Variants in IDNK observed in about 807,000 individuals in gnomAD.
The protein encoded by IDNK is gluconokinase.
IDNK carries 9 observed loss-of-function variants against 13.0 expected under a neutral mutation model. That is an observed-to-expected ratio of 0.69 (90% CI 0.42 to 1.21). The LOEUF (loss-of-function observed/expected upper bound fraction) is 1.21, where lower values mean the gene tolerates loss of function less well. Among genes scored for constraint, IDNK ranks in the 50% most tolerant of loss-of-function variants. The pLI is 0.00. For synonymous variants in IDNK, 92 were observed against 94.9 expected (o/e 0.97, Z 0.18); for missense variants, 210 against 237.8 (o/e 0.88, Z 0.77).
At chr9:83,632,557 CAAAAAAAAAAAA>C (rs61214533) in intron 3 of IDNK, among the ~76,000 whole-genome samples, 20 of 78,562 alleles carry the variant, frequency 2.5e-4, no homozygotes, top group Admixed American at 1.5e-4. Flanking sequence ...AGCTGATGAG[CAAAAAAAAAAAA>C]AAAAAAAAAA....
chr9:83,641,528 TTTG>T lies in IDNK; in HGVS notation c.169-17_169-15del. On this transcript the variant is annotated splice_polypyrimidine_tract_variant and intron_variant, in intron 3 of 4. Transcript: ENST00000376419. ...GGAGAAGTCACGTTGTGTCTGGGTT[TTTG>T]TTTTTGTTTTTTTCAGGACCGGATT... 3.7e-6 allele frequency: 6 copies of T among 1,613,556 alleles called. No individual in the cohort carries two copies. The highest frequency in any genetic ancestry group is 5.1e-6 in the Non-Finnish European group (6 of 1,179,736).
At chr9:83,642,938 A>G (rs562756086) in intron 4 of IDNK, among the ~76,000 whole-genome samples, 2 of 152,194 alleles carry the variant, frequency 1.3e-5, no homozygotes, top group East Asian at 3.9e-4. Context: ...CAACTCCCCC[A>G]GACACTGTAG....
intron 1 of IDNK, among the ~76,000 whole-genome samples, chr9:83,625,557 T>C (rs1269672435): frequency 6.6e-6 from 1 of 152,230 alleles, no homozygotes; most frequent in Non-Finnish European, 1.5e-5. Flanking sequence ...GTGTCCAATG[T>C]TATTGACTAG....
At chr9:83,631,649 G>GT (rs1268515708) in intron 3 of IDNK, among the ~76,000 whole-genome samples, 1 of 151,708 alleles carries the variant, frequency 6.6e-6, no homozygotes, top group Non-Finnish European at 1.5e-5. Flanking sequence ...TAGATAAAAT[G>GT]TAAAATCTAG....
rs557605133 is a variant in IDNK at position 83,632,771 on chromosome 9, G to A, written c.168+3812G>A. 2.0e-5 allele frequency among the ~76,000 whole-genome samples: 3 copies of A among 152,196 alleles called. No homozygotes were observed. The South Asian group carries it at 6.2e-4, about 32-fold the overall frequency. ...CATTTCTTTCCTCTAAAACTTCTGT[G>A]TGTTTGATTTTCATAACTTATTATA... On this transcript the variant is annotated intron_variant, in intron 3 of 4. Transcript: ENST00000376419.
intron 3 of IDNK, among the ~76,000 whole-genome samples, chr9:83,635,158 C>T (rs749783541): frequency 2.8e-4 from 42 of 152,198 alleles, no homozygotes; most frequent in Non-Finnish European, 5.6e-4. Context: ...GTCTTGCAGG[C>T]CCAGCCCCCT....
chr9:83,623,868 C>G (rs76506393), intron 1 of IDNK, among the ~76,000 whole-genome samples: 4,367 of 152,288 alleles, frequency 0.029, 212 homozygotes, highest in African/African-American at 0.099. Context: ...TAACATTTGG[C>G]TTCCTGTTTA....
intron 1 of IDNK, among the ~76,000 whole-genome samples, chr9:83,624,035 G>A (rs1311962471): frequency 2.0e-5 from 3 of 152,208 alleles, no homozygotes; most frequent in Non-Finnish European, 4.4e-5. Context: ...GGCCCATGTT[G>A]TGGCCTGTGT....
Position 83,643,961 on chromosome 9 carries a change from G to T in IDNK, c.*181G>T. 1.8e-6 allele frequency: 1 copy of T among 544,126 alleles called. No individual in the cohort carries two copies. The highest frequency in any genetic ancestry group is 2.9e-5 in the East Asian group (1 of 33,986). The allele number at this position is 544,126 out of a possible 1,614,324, so 33.7% of individuals were successfully genotyped here. A position where few individuals can be genotyped will look rare whatever the true frequency, so the allele number is the denominator to read the frequency against. ...AATTATGCTGGTTCATCAGGAAGCA[G>T]AGGGGGAGTTTTAAAAGTCAAGCTT... On this transcript the variant is annotated 3_prime_UTR_variant, in exon 5 of 5. Transcript: ENST00000376419.
At chr9:83,633,882 G>C (rs139429596) in intron 3 of IDNK, among the ~76,000 whole-genome samples, 16 of 152,302 alleles carry the variant, frequency 1.1e-4, no homozygotes, top group Non-Finnish European at 2.1e-4. Context: ...ATCAAGGTTT[G>C]TTAAATTGAG....
At chr9:83,627,061 T>C (rs541960117) in intron 1 of IDNK, 3 of 155,942 alleles carry the variant, frequency 1.9e-5, no homozygotes, top group East Asian at 3.9e-4. Flanking sequence ...GATGATAGCT[T>C]CTTGTGCAAG....
At chr9:83,639,543 G>A (rs531719233) in intron 3 of IDNK, among the ~76,000 whole-genome samples, 121 of 152,322 alleles carry the variant, frequency 7.9e-4, no homozygotes, top group Non-Finnish European at 1.3e-3. Flanking sequence ...GATCTCTGGT[G>A]AGACTCATCA....
chr9:83,634,435 A>T lies in IDNK; in HGVS notation c.168+5476A>T, dbSNP rs150153748. Among the ~76,000 whole-genome samples the T allele has an allele frequency of 6.0e-4, 91 of 152,368 alleles. 1 individual carries two copies. In the Middle Eastern group the frequency reaches 0.014, roughly 23 times the overall value. On this transcript the variant is annotated intron_variant, in intron 3 of 4. Coordinates refer to ENST00000376419, the MANE Select transcript of IDNK (RefSeq NM_001001551.4). ...TGCTTTATTATTGACTAAAGCATCC[A>T]TTAAGGCACTATTAAAACAATGAAA... is the stretch of plus-strand genomic sequence containing the variant.
chr9:83,627,376 C>G (rs1830883406), intron 1 of IDNK, among the ~76,000 whole-genome samples: 1 of 152,158 alleles, frequency 6.6e-6, no homozygotes, highest in Non-Finnish European at 1.5e-5. Context: ...ACCGTTACAT[C>G]CTGGGAACTG....
intron 1 of IDNK, among the ~76,000 whole-genome samples, chr9:83,624,539 G>T (rs1299029327): frequency 6.6e-6 from 1 of 152,096 alleles, no homozygotes; most frequent in African/African-American, 2.4e-5. Flanking sequence ...TGGAGTAAGG[G>T]GAACAAAGAG....
intron 3 of IDNK, among the ~76,000 whole-genome samples, chr9:83,633,135 C>G (rs1419640279): frequency 1.3e-5 from 2 of 152,066 alleles, no homozygotes; most frequent in East Asian, 1.9e-4. Flanking sequence ...GTCAGGAGAT[C>G]GAGACCATCC....
intron 1 of IDNK, chr9:83,623,563 C>T (rs1040021781): frequency 2.4e-5 from 7 of 291,926 alleles, no homozygotes; most frequent in Non-Finnish European, 4.6e-5. Flanking sequence ...GGTTTCGGGG[C>T]GCCTTGTCGG....
chr9:83,634,253 T>C (rs533884491), intron 3 of IDNK, among the ~76,000 whole-genome samples: 1 of 152,358 alleles, frequency 6.6e-6, no homozygotes, highest in East Asian at 1.9e-4. Context: ...GACACAGTCC[T>C]TACTGGTGCA....
chr9:83,638,463 C>T (rs958128303), intron 3 of IDNK, among the ~76,000 whole-genome samples: 3 of 152,118 alleles, frequency 2.0e-5, no homozygotes, highest in Admixed American at 1.3e-4. Context: ...AAATGTCAAA[C>T]TTCCTGGATA....
Sources: allele counts gnomAD v4.1 joint callset (sites outside exome capture counted in the v4.1 genomes callset), GRCh38; gene constraint gnomAD v4.1.1; transcripts MANE v1.5; gene names NCBI Gene and HGNC (gene_info 2026-07-23, HGNC 2026-07-21).